Variants in APEH observed in about 807,000 individuals in gnomAD.
APEH encodes the protein acylamino-acid-releasing enzyme.
A neutral mutation model predicts 102.7 loss-of-function variants in APEH; 75 were observed. The ratio of observed to expected loss-of-function variants is 0.73; its 90% CI spans 0.61 to 0.89. APEH has a LOEUF of 0.89. Ranked by LOEUF, APEH falls within the 40% of genes least tolerant of loss-of-function variation. APEH has a pLI of 0.00. For synonymous variants in APEH, 344 were observed against 362.7 expected (o/e 0.95, Z 0.59); for missense variants, 863 against 941.2 (o/e 0.92, Z 1.09).
rs1034222491 is a variant in APEH at position 49,683,561 on chromosome 3, G to C, written c.*219G>C. On this transcript the variant is annotated 3_prime_UTR_variant, in exon 22 of 22. Coordinates refer to ENST00000296456, the MANE Select transcript of APEH (RefSeq NM_001640.4). ...ATCCCCAACCCCACCTCCCACTCTGGGGTGCAGAGACCCTAGGTTCTGGGT... is the reference window on the plus strand; with the variant it reads ...ATCCCCAACCCCACCTCCCACTCTGCGGTGCAGAGACCCTAGGTTCTGGGT... 1 of 550,960 alleles carries C rather than the reference G, an allele frequency of 1.8e-6. No homozygotes were observed. The highest frequency in any genetic ancestry group is 3.3e-6 in the Non-Finnish European group (1 of 307,018). The allele number at this position is 550,960 out of a possible 1,614,324, so 34.1% of individuals were successfully genotyped here.
chr3:49,681,319 T>G (rs775363185), intron 15 of APEH, 80 bp downstream of exon 15: 80 of 1,400,586 alleles, frequency 5.7e-5, no homozygotes, highest in Non-Finnish European at 7.1e-5. Flanking sequence ...TGCTACCTCC[T>G]CTCTCACATT....
Position 49,674,408 on chromosome 3 carries a change from C to G in APEH, c.7C>G (p.Arg3Gly). Residue 3 changes from arginine (R) to glycine (G), a missense_variant, in exon 1 of 22, where the codon CGT becomes GGT. Physicochemically the swap from Arg to Gly is moderately radical, Grantham distance 125. Coordinates refer to ENST00000296456, the MANE Select transcript of APEH (RefSeq NM_001640.4). ME[R>G]QVLLSEPEEA... ...CGGCGGCAGAGAGGAGACTATGGAA[C>G]GTCAGGTGAGGGCTCGGCCCGCGGT... is the stretch of plus-strand genomic sequence containing the variant. The G allele has an allele frequency of 1.3e-6, 2 of 1,576,676 alleles. No homozygotes were observed. Among genetic ancestry groups the G allele is most frequent in the South Asian group, 2.3e-5 (2 of 87,628 alleles).
Position 49,674,421 on chromosome 3 carries a change from C to G in APEH, c.12+8C>G. 1 of 1,573,884 alleles carries G rather than the reference C, an allele frequency of 6.4e-7. No homozygotes were observed. Among genetic ancestry groups the G allele is most frequent in the South Asian group, 1.1e-5 (1 of 87,390 alleles). ...GAGACTATGGAACGTCAGGTGAGGG[C>G]TCGGCCCGCGGTCCCCGTGGTCCCT... On this transcript the variant is annotated splice_region_variant and intron_variant, in intron 1 of 21. Transcript: ENST00000296456.
At position 49,676,120 on chromosome 3, in the gene APEH, G is replaced by A; in HGVS notation, c.507G>A (p.Lys169=). ...ETHLLYVAEK[K]RPKAESFFQT... is the part of the protein sequence containing the mutation. ...ACTTGTTGTATGTGGCAGAGAAGAA[G>A]CGCCCCAAGGCCGAGTCCTTCTTTC... Residue 169 remains lysine (K), a synonymous_variant, in exon 6 of 22, where the codon AAG becomes AAA. Coordinates refer to ENST00000296456, the MANE Select transcript of APEH (RefSeq NM_001640.4). The A allele has an allele frequency of 1.2e-6, 2 of 1,614,236 alleles. No homozygotes were observed. Among genetic ancestry groups the A allele is most frequent in the Non-Finnish European group, 1.7e-6 (2 of 1,180,042 alleles).
rs1353935988 is a variant in APEH at position 49,676,893 on chromosome 3, T to C, written c.878-10T>C. The C allele has an allele frequency of 1.4e-5, 23 of 1,614,258 alleles. No individual in the cohort carries two copies. Among genetic ancestry groups the C allele is most frequent in the Non-Finnish European group, 1.9e-5 (23 of 1,180,042 alleles). The stretch of plus-strand genomic sequence containing the variant: ...AGCCTGCGTGATGCTCATGTTTCCA[T>C]CTGGCCCAGAGCTCCTCTCGGATGA... On this transcript the variant is annotated splice_polypyrimidine_tract_variant and intron_variant, in intron 9 of 21. Transcript: ENST00000296456.
At chr3:49,678,053 C>G (rs2053150486) in intron 11 of APEH, among the ~76,000 whole-genome samples, 2 of 152,192 alleles carry the variant, frequency 1.3e-5, no homozygotes, top group Non-Finnish European at 2.9e-5. Context: ...ATCCCATCCA[C>G]CATCCTAACC....
chr3:49,676,715 C>T lies in APEH; in HGVS notation c.836+15C>T, dbSNP rs2053073444. 1.2e-6 allele frequency: 2 copies of T among 1,614,116 alleles called. No individual in the cohort carries two copies. The highest frequency in any genetic ancestry group is 1.7e-6 in the Non-Finnish European group (2 of 1,180,048). ...ACCAATCGCAGGTGAGGGAGTGGGG[C>T]AAGGCAAGGGGCCTTGCAGCCCAGC... On this transcript the variant is annotated intron_variant, in intron 8 of 21. Transcript: ENST00000296456.
chr3:49,681,711 T>C lies in APEH; in HGVS notation c.1439-11T>C. The C allele has an allele frequency of 1.9e-6, 3 of 1,566,030 alleles. No homozygotes were observed. The highest frequency in any genetic ancestry group is 2.6e-6 in the Non-Finnish European group (3 of 1,153,912). ...AGGCTCACCCTGCTGACTGCTGCCC[T>C]CTCCCTGCAGCTGGCCTTGACTTTG... On this transcript the variant is annotated splice_polypyrimidine_tract_variant and intron_variant, in intron 15 of 21. Transcript: ENST00000296456.
upstream of APEH, chr3:49,674,254 C>T (rs2052904946): frequency 6.6e-6 from 7 of 1,053,806 alleles, no homozygotes; most frequent in Non-Finnish European, 8.0e-6. Context: ...TGCCAACGGT[C>T]CTCACCCATT....
chr3:49,683,071 A>T lies in APEH; in HGVS notation c.2018A>T (p.Gln673Leu). The change falls in exon 21 of 22, where the codon CAG becomes CTG. Residue 673 changes from glutamine to leucine, a missense_variant. Gln to Leu is a moderately radical substitution (Grantham distance 113). Transcript: ENST00000296456. The stretch of plus-strand genomic sequence containing the variant: ...ACACCACTGTTACTGATGTTGGGCC[A>T]GGAGGACCGGCGTGTGCCCTTCAAG... ...VKTPLLLMLG[Q>L]EDRRVPFKQG... The T allele has an allele frequency of 6.2e-7, 1 of 1,614,140 alleles. No individual in the cohort carries two copies. Among genetic ancestry groups the T allele is most frequent in the South Asian group, 1.1e-5 (1 of 91,090 alleles).
In APEH at chr3:49,682,359, G is replaced by A. The variant is rs1346862141; in HGVS notation, c.1615G>A (p.Gly539Ser). 6.2e-7 allele frequency: 1 copy of A among 1,613,458 alleles called. No individual in the cohort carries two copies. Among genetic ancestry groups the A allele is most frequent in the South Asian group, 1.1e-5 (1 of 90,964 alleles). The change falls in exon 18 of 22, where the codon GGC (glycine) becomes AGC (serine). Residue 539 changes from glycine (G) to serine (S), a missense_variant. Gly to Ser is a moderately conservative substitution (Grantham distance 56). Transcript: ENST00000296456. ...CTCCCTGCCCTCAGTGAACTATCGTGGCTCCACGGGCTTTGGCCAGGACAG... is the reference window on the plus strand; with the variant it reads ...CTCCCTGCCCTCAGTGAACTATCGTAGCTCCACGGGCTTTGGCCAGGACAG... Reference protein sequence around the residue: ...GFAVLLVNYRGSTGFGQDSIL... With the variant: ...GFAVLLVNYRSSTGFGQDSIL...
rs761269052 is a variant in APEH at position 49,682,830 on chromosome 3, C to T, written c.1884-13C>T. ...CAGAATTCCTGGGGCTGCAACAGCT[C>T]GGTGTCTTGCAGGTGCGTGGTGGAG... On this transcript the variant is annotated splice_polypyrimidine_tract_variant and intron_variant, in intron 19 of 21. Coordinates refer to ENST00000296456, the MANE Select transcript of APEH (RefSeq NM_001640.4). The T allele has an allele frequency of 5.0e-6, 8 of 1,613,980 alleles. No homozygotes were observed. Among genetic ancestry groups the T allele is most frequent in the South Asian group, 3.3e-5 (3 of 91,080 alleles).
At position 49,676,892 on chromosome 3, in the gene APEH, A is replaced by T. The variant is rs201493187; in HGVS notation, c.878-11A>T. 3 of 1,614,164 alleles carry T rather than the reference A, an allele frequency of 1.9e-6. No individual in the cohort carries two copies. The highest frequency in any genetic ancestry group is 1.7e-6 in the Non-Finnish European group (2 of 1,180,020). ...CAGCCTGCGTGATGCTCATGTTTCCATCTGGCCCAGAGCTCCTCTCGGATG... is the reference window on the plus strand; with the variant it reads ...CAGCCTGCGTGATGCTCATGTTTCCTTCTGGCCCAGAGCTCCTCTCGGATG... On this transcript the variant is annotated splice_polypyrimidine_tract_variant and intron_variant, in intron 9 of 21. Transcript: ENST00000296456.
intron 6 of APEH, 45 bp from the exon 7 acceptor site, chr3:49,676,333 C>T (rs2053050904): frequency 6.2e-7 from 1 of 1,613,522 alleles, no homozygotes; most frequent in East Asian, 2.2e-5. Context: ...GGAAGCAGAG[C>T]AGGTCCTATA....
chr3:49,677,827 A>G lies in APEH; in HGVS notation c.1060+194A>G, dbSNP rs144791820. On this transcript the variant is annotated intron_variant, in intron 11 of 21. Coordinates refer to ENST00000296456, the MANE Select transcript of APEH (RefSeq NM_001640.4). Reference sequence around the variant, plus strand: ...GGGAGCGGGGCTGTCACCGTAGGGAACAGTTCAATAGCAAGGAGTGGTAGG... The same window carrying G: ...GGGAGCGGGGCTGTCACCGTAGGGAGCAGTTCAATAGCAAGGAGTGGTAGG... Among the ~76,000 whole-genome samples the G allele has an allele frequency of 9.2e-3, 1,400 of 152,282 alleles. 18 individuals carry two copies. Among genetic ancestry groups the G allele is most frequent in the African/African-American group, 0.032 (1,328 of 41,546 alleles).
intron 6 of APEH, 26 bp downstream of exon 6, chr3:49,676,245 C>G (rs1208456333): frequency 6.2e-7 from 1 of 1,612,420 alleles, no homozygotes; most frequent in East Asian, 2.2e-5. Context: ...CCACGAAGGC[C>G]CGGCAGGGCA....
At chr3:49,673,135 G>A (rs1437827112), upstream of APEH, among the ~76,000 whole-genome samples, 1 of 95,970 alleles carries the variant, frequency 1.0e-5, no homozygotes, top group Non-Finnish European at 2.0e-5. Flanking sequence ...GTTATCTTGA[G>A]TAAGTAATGA....
chr3:49,675,493 G>C, intron 3 of APEH, 184 bp downstream of exon 3: 1 of 1,032,790 alleles, frequency 9.7e-7, no homozygotes, highest in Non-Finnish European at 1.4e-6. Context: ...ACTCAGCCTG[G>C]ACTAGAGCCC....
In APEH at chr3:49,683,298, T is replaced by C. The variant is rs1409064411; in HGVS notation, c.2155T>C (p.Phe719Leu). Residue 719 changes from phenylalanine (F) to leucine (L), a missense_variant, in exon 22 of 22, where the codon TTC becomes CTC. Physicochemically the swap from Phe to Leu is conservative, Grantham distance 22 (BLOSUM62 0). Coordinates refer to ENST00000296456, the MANE Select transcript of APEH (RefSeq NM_001640.4). ...AGAGGTGGAGGTGGAGTCAGACAGC[T>C]TCATGAATGCTGTGCTCTGGCTACG... The part of the protein sequence containing the change: ...LSEVEVESDS[F>L]MNAVLWLRTH... The C allele has an allele frequency of 1.2e-6, 2 of 1,614,014 alleles. No homozygotes were observed. Among genetic ancestry groups the C allele is most frequent in the Admixed American group, 3.3e-5 (2 of 60,028 alleles).
Sources: gnomAD v4.1 joint callset for allele counts (sites outside exome capture counted in the v4.1 genomes callset) on GRCh38, gnomAD v4.1.1 for gene constraint, MANE v1.5 for transcripts, NCBI Gene and HGNC (gene_info 2026-07-23, HGNC 2026-07-21) for gene names.